Variants in EPC2 observed in about 807,000 individuals in gnomAD.
EPC2 encodes the protein enhancer of polycomb homolog 2.
In EPC2, 14 loss-of-function variants were observed where a neutral mutation model predicts 92.1. The observed-to-expected ratio is 0.15, with a 90% CI of 0.10 to 0.24. The LOEUF (loss-of-function observed/expected upper bound fraction) is 0.24. EPC2 is among the 10% of genes least tolerant of loss of function. The pLI is 1.00. For synonymous variants in EPC2, 340 were observed against 334.7 expected, an observed-to-expected ratio of 1.02 and a Z score of -0.17; for missense variants, 755 against 971.5, an observed-to-expected ratio of 0.78 and a Z score of 2.96.
Position 148,665,762 on chromosome 2 carries a change from A to G in EPC2, c.153+20592A>G, listed in dbSNP as rs1000987586. ...CCTCTTCTTCATACCCCTCACAGGC[A>G]GTTAAGACAGAGCAACTATGAATGA... On this transcript the variant is annotated intron_variant, in intron 1 of 13. Coordinates refer to ENST00000258484, the MANE Select transcript of EPC2 (RefSeq NM_015630.4). 2.6e-5 allele frequency among the ~76,000 whole-genome samples: 4 copies of G among 152,318 alleles called. No homozygotes were observed. The South Asian group carries it at 8.3e-4, about 32-fold the overall frequency.
intron 1 of EPC2, among the ~76,000 whole-genome samples, chr2:148,656,793 A>G (rs971546645): frequency 6.6e-6 from 1 of 152,204 alleles, no homozygotes; most frequent in Non-Finnish European, 1.5e-5. Context: ...AGTAGGAGAG[A>G]AAGGAGTTTT....
intron 2 of EPC2, among the ~76,000 whole-genome samples, chr2:148,714,863 T>C (rs1367953634): frequency 5.9e-5 from 9 of 152,202 alleles, no homozygotes; most frequent in African/African-American, 1.9e-4. Context: ...AGGTTGTCTG[T>C]TTACTCTGAT....
intron 2 of EPC2, chr2:148,691,841 A>G (rs1253261405): frequency 1.5e-6 from 1 of 645,174 alleles, no homozygotes; most frequent in Admixed American, 2.1e-5. Context: ...TATTTCTTTA[A>G]TCTTACACTG....
intron 4 of EPC2, among the ~76,000 whole-genome samples, chr2:148,756,875 T>C (rs1042019866): frequency 1.3e-5 from 2 of 152,184 alleles, no homozygotes; most frequent in African/African-American, 4.8e-5. Flanking sequence ...GTTTATTCTA[T>C]AGTGTAACCA....
chr2:148,759,809 C>A (rs1346946524), intron 4 of EPC2, among the ~76,000 whole-genome samples: 2 of 152,002 alleles, frequency 1.3e-5, no homozygotes, highest in African/African-American at 4.8e-5. Context: ...TATGAGAATT[C>A]TTTATACTGT....
chr2:148,733,770 G>A (rs953241219), intron 2 of EPC2, among the ~76,000 whole-genome samples: 17 of 151,820 alleles, frequency 1.1e-4, no homozygotes, highest in African/African-American at 4.1e-4. Context: ...GATTACAGCC[G>A]TGAGCCACCG....
intron 2 of EPC2, among the ~76,000 whole-genome samples, chr2:148,727,900 T>TC (rs1275834144): frequency 6.6e-6 from 1 of 152,220 alleles, no homozygotes; most frequent in East Asian, 1.9e-4. Flanking sequence ...CACTCTCCAC[T>TC]CCAACCACCC....
chr2:148,669,038 A>G (rs899662251), intron 1 of EPC2, among the ~76,000 whole-genome samples: 2 of 151,874 alleles, frequency 1.3e-5, no homozygotes, highest in African/African-American at 2.4e-5. Context: ...TACATCTTAC[A>G]TCCTGTTGTA....
intron 3 of EPC2, among the ~76,000 whole-genome samples, chr2:148,746,889 A>G (rs965919734): frequency 6.6e-6 from 1 of 152,074 alleles, no homozygotes; most frequent in Non-Finnish European, 1.5e-5. Context: ...AGCTAACAAT[A>G]CATGAGTCTT....
chr2:148,767,808 C>T (rs1016303589), intron 7 of EPC2, among the ~76,000 whole-genome samples: 2 of 152,120 alleles, frequency 1.3e-5, no homozygotes, highest in East Asian at 1.9e-4. Flanking sequence ...CCCGGGGAAT[C>T]GTAGTTAGGA....
intron 1 of EPC2, among the ~76,000 whole-genome samples, chr2:148,671,019 A>G (rs1025345806): frequency 2.2e-4 from 34 of 152,102 alleles, no homozygotes; most frequent in African/African-American, 6.5e-4. Flanking sequence ...TACATGAACA[A>G]TTTTTATGAT....
At chr2:148,720,464 G>A (rs1209510718) in intron 2 of EPC2, among the ~76,000 whole-genome samples, 1 of 152,198 alleles carries the variant, frequency 6.6e-6, no homozygotes, top group Non-Finnish European at 1.5e-5. Flanking sequence ...ACCCCTCTCG[G>A]GGGGTATATG....
At chr2:148,774,309 T>C (rs1683580662) in intron 10 of EPC2, among the ~76,000 whole-genome samples, 2 of 152,180 alleles carry the variant, frequency 1.3e-5, no homozygotes, top group South Asian at 4.1e-4. Flanking sequence ...ATTAACGTTT[T>C]CCATGTCATA....
intron 1 of EPC2, among the ~76,000 whole-genome samples, chr2:148,655,749 A>G (rs1327547245): frequency 6.6e-6 from 1 of 152,160 alleles, no homozygotes; most frequent in Non-Finnish European, 1.5e-5. Flanking sequence ...TGGCAATCTC[A>G]TTCCTGTGTC....
chr2:148,689,343 A>G (rs1000465478), intron 1 of EPC2, among the ~76,000 whole-genome samples: 1 of 151,682 alleles, frequency 6.6e-6, no homozygotes, highest in Non-Finnish European at 1.5e-5. Flanking sequence ...CGCCCGGCTA[A>G]TTTTTTTTGT....
chr2:148,662,673 G>T (rs957149057), intron 1 of EPC2, among the ~76,000 whole-genome samples: 2 of 152,006 alleles, frequency 1.3e-5, no homozygotes, highest in Non-Finnish European at 2.9e-5. Flanking sequence ...GTTGTGGGGT[G>T]GGGGGAGGCG....
At position 148,749,836 on chromosome 2, in the gene EPC2, T is replaced by C. The variant is rs150011371; in HGVS notation, c.460-4091T>C. Among the ~76,000 whole-genome samples the C allele has an allele frequency of 2.2e-3, 328 of 152,304 alleles. 15 individuals carry two copies. The highest frequency in any genetic ancestry group is 0.02 in the Admixed American group (304 of 15,292). On this transcript the variant is annotated intron_variant, in intron 3 of 13. Transcript: ENST00000258484. ...GTACATGTATTTTATAATTATGTTA[T>C]ATAAAGTTAATGAGCAGTCAGATTA...
chr2:148,650,382 A>G lies in EPC2; in HGVS notation c.153+5212A>G, dbSNP rs571981687. Among the ~76,000 whole-genome samples, 5 of 152,280 alleles carry G rather than the reference A, an allele frequency of 3.3e-5. No individual in the cohort carries two copies. The East Asian group carries it at 9.6e-4, about 29-fold the overall frequency. ...GGTACTATGTATATCTAAATATTAT[A>G]TCCTCTTTTCCTCTTGAGTCAGAGG... On this transcript the variant is annotated intron_variant, in intron 1 of 13. Coordinates refer to ENST00000258484, the MANE Select transcript of EPC2 (RefSeq NM_015630.4).
At chr2:148,706,670 A>G (rs1682006820) in intron 2 of EPC2, among the ~76,000 whole-genome samples, 1 of 152,242 alleles carries the variant, frequency 6.6e-6, no homozygotes, top group African/African-American at 2.4e-5. Flanking sequence ...CCTACAAGCC[A>G]GAAGAGAGTG....
Sources: allele counts gnomAD v4.1 joint callset (sites outside exome capture counted in the v4.1 genomes callset), GRCh38; gene constraint gnomAD v4.1.1; transcripts MANE v1.5; gene names NCBI Gene and HGNC (gene_info 2026-07-23, HGNC 2026-07-21).